SORCS1: variants seen among roughly 807,000 people sequenced by gnomAD.
SORCS1 encodes the protein VPS10 domain-containing receptor SorCS1.
Under a neutral mutation model 146.1 loss-of-function variants are expected in SORCS1, and 60 were observed. The ratio of observed to expected loss-of-function variants is 0.41; its 90% CI spans 0.33 to 0.51. The LOEUF is 0.51. SORCS1 is among the 20% of genes least tolerant of loss of function. The probability of loss-of-function intolerance (pLI) is 0.21; values close to 1 mark genes in which losing one functional copy is unlikely to be tolerated. For missense variants in SORCS1, 1,352 were observed against 1,487.6 expected (o/e 0.91, Z 1.50); for synonymous variants, 637 against 584.0 (o/e 1.09, Z -1.31).
intron 20 of SORCS1, among the ~76,000 whole-genome samples, chr10:106,619,891 G>A (rs1847623763): frequency 6.6e-6 from 1 of 152,208 alleles, no homozygotes; most frequent in Non-Finnish European, 1.5e-5. Context: ...ATAAATAAGA[G>A]TTTTGATTTA....
chr10:107,176,692 A>G, the SORCS1 span, among the ~76,000 whole-genome samples: 1 of 152,186 alleles, frequency 6.6e-6, no homozygotes, highest in African/African-American at 2.4e-5. Context: ...CATTGCAATC[A>G]GAAAGAATGT....
chr10:106,806,505 CTTTTTTTTTTT>C (rs1191296212), intron 3 of SORCS1, among the ~76,000 whole-genome samples: 30 of 70,468 alleles, frequency 4.3e-4, no homozygotes, highest in African/African-American at 1.7e-3. Flanking sequence ...GAGAGGAAGC[CTTTTTTTTTTT>C]TTTTTTTTTT....
chr10:106,963,110 ATTTTTTTTTTTT>A (rs749174613), intron 1 of SORCS1, among the ~76,000 whole-genome samples: 1 of 76,296 alleles, frequency 1.3e-5, no homozygotes, highest in East Asian at 4.4e-4. Flanking sequence ...AATGGCCAGA[ATTTTTTTTTTTT>A]TTTTTTTTTT....
intron 2 of SORCS1, among the ~76,000 whole-genome samples, chr10:106,886,308 T>G (rs183062622): frequency 6.6e-6 from 1 of 152,246 alleles, no homozygotes; most frequent in East Asian, 1.9e-4. Flanking sequence ...CCTCTTTCTC[T>G]GTATTGATTA....
intron 9 of SORCS1, among the ~76,000 whole-genome samples, chr10:106,692,584 A>G (rs1564864493): frequency 1.3e-5 from 2 of 152,226 alleles, no homozygotes; most frequent in Non-Finnish European, 2.9e-5. Flanking sequence ...ACTGGATTTT[A>G]CATTTTAAGT....
At chr10:106,682,173 C>A (rs913374690) in intron 10 of SORCS1, among the ~76,000 whole-genome samples, 10 of 151,958 alleles carry the variant, frequency 6.6e-5, no homozygotes, top group African/African-American at 9.7e-5. Context: ...AACAAACAAA[C>A]AAAACAAAAA....
chr10:106,967,689 T>G (rs965112705), intron 1 of SORCS1, among the ~76,000 whole-genome samples: 1 of 152,090 alleles, frequency 6.6e-6, no homozygotes, highest in Non-Finnish European at 1.5e-5. Context: ...TGTTTTATAG[T>G]TAAAGAAACA....
intron 1 of SORCS1, among the ~76,000 whole-genome samples, chr10:107,134,557 T>G (rs1388114381): frequency 1.3e-5 from 2 of 152,056 alleles, no homozygotes; most frequent in Admixed American, 6.6e-5. Context: ...GAGAATGGCT[T>G]GAACCTGGGA....
In SORCS1 at chr10:106,629,442, C is replaced by A; in HGVS notation, c.2476-54G>T. 3.2e-6 allele frequency: 5 copies of A among 1,583,744 alleles called. No homozygotes were observed. The South Asian group carries it at 4.6e-5, about 14-fold the overall frequency. On this transcript the variant is annotated intron_variant, in intron 18 of 25. Transcript: ENST00000263054. ...TGAGTTAGTATTCGGCTGCTCCTGC[C>A]TAGGGGACTGGGGACTACGGCTTGT...
At chr10:106,996,924 C>T (rs1957027713) in intron 1 of SORCS1, among the ~76,000 whole-genome samples, 1 of 151,958 alleles carries the variant, frequency 6.6e-6, no homozygotes, top group African/African-American at 2.4e-5. Flanking sequence ...TCTAAAATCA[C>T]AAGAGAAACA....
At chr10:107,102,186 C>T (rs1964972699) in intron 1 of SORCS1, among the ~76,000 whole-genome samples, 1 of 152,116 alleles carries the variant, frequency 6.6e-6, no homozygotes, top group Non-Finnish European at 1.5e-5. Flanking sequence ...ATAGTCATTG[C>T]ATTTTAAGGA....
intron 1 of SORCS1, among the ~76,000 whole-genome samples, chr10:107,083,088 G>A: frequency 7.8e-6 from 1 of 128,664 alleles, no homozygotes. Flanking sequence ...CAGCCTGGGT[G>A]ACAGAGTAAG....
intron 23 of SORCS1, chr10:106,600,495 T>C: frequency 1.0e-6 from 1 of 983,888 alleles, no homozygotes; most frequent in Non-Finnish European, 1.2e-6. Context: ...GAAATGAGTA[T>C]GAAACTGTTG....
Position 106,629,379 on chromosome 10 carries a change from G to C in SORCS1, c.2485C>G (p.Gln829Glu). The change falls in exon 19 of 26, where the codon CAG (glutamine) becomes GAG (glutamate). Residue 829 changes from glutamine (Q) to glutamate (E), a missense_variant. By Grantham distance (29) the Gln-to-Glu change is conservative. Transcript: ENST00000263054. ...AAGTCCACTTGGATGAGTGTCCGCT[G>C]AACATCACCCTGAAAAACAACCCAA... ...LMVQLEEGDV[Q>E]RTLIQVDFGD... is the part of the protein sequence containing the mutation. 6.2e-7 allele frequency: 1 copy of C among 1,613,952 alleles called. No homozygotes were observed. Among genetic ancestry groups the C allele is most frequent in the Non-Finnish European group, 8.5e-7 (1 of 1,179,872 alleles).
rs577059914 is a variant in SORCS1 at position 107,055,371 on chromosome 10, A to AC, written c.559-98792_559-98791insG. Reference sequence around the variant, plus strand: ...ATGTAAAGGAATAGATAGTGAGTTTAAGTTATACAGGCAGGACTTAATACA... The same window carrying AC: ...ATGTAAAGGAATAGATAGTGAGTTTACAGTTATACAGGCAGGACTTAATACA... On this transcript the variant is annotated intron_variant, in intron 1 of 25. Coordinates refer to ENST00000263054, the MANE Select transcript of SORCS1 (RefSeq NM_052918.5). Among the ~76,000 whole-genome samples the AC allele has an allele frequency of 7.8e-3, 1,191 of 152,366 alleles. 14 individuals carry two copies. The highest frequency in any genetic ancestry group is 0.027 in the African/African-American group (1,115 of 41,592).
chr10:106,956,588 CA>C lies in SORCS1; in HGVS notation c.559-9del. The stretch of plus-strand genomic sequence containing the variant: ...TGTCAAAATGAGAATCACCTGAAGG[CA>C]AAAGAAGAAATCATGGTTAGTCTCA... On this transcript the variant is annotated splice_polypyrimidine_tract_variant and intron_variant, in intron 1 of 25. Transcript: ENST00000263054. The C allele has an allele frequency of 6.2e-7, 1 of 1,613,454 alleles. No homozygotes were observed. The highest frequency in any genetic ancestry group is 8.5e-7 in the Non-Finnish European group (1 of 1,179,614).
At chr10:106,686,269 T>G (rs1440525195) in intron 10 of SORCS1, among the ~76,000 whole-genome samples, 1 of 152,130 alleles carries the variant, frequency 6.6e-6, no homozygotes, top group Non-Finnish European at 1.5e-5. Context: ...GATATTACAT[T>G]TATATTTTGG....
At position 107,150,425 on chromosome 10, in the gene SORCS1, A is replaced by T. The variant is rs138519862; in HGVS notation, c.558+13544T>A. Among the ~76,000 whole-genome samples the T allele has an allele frequency of 3.0e-4, 45 of 152,346 alleles. No individual in the cohort carries two copies. In the East Asian group the frequency reaches 8.3e-3, roughly 28 times the overall value. On this transcript the variant is annotated intron_variant, in intron 1 of 25. Coordinates refer to ENST00000263054, the MANE Select transcript of SORCS1 (RefSeq NM_052918.5). ...TCCACTCCACACCCATCTGATGAAC[A>T]TATGGCTTCAAAGCCATCACACATG...
chr10:106,775,216 T>C (rs928118247), intron 4 of SORCS1, among the ~76,000 whole-genome samples: 1 of 152,252 alleles, frequency 6.6e-6, no homozygotes. Context: ...GAATAAAATG[T>C]AACAACCCTG....
Sources: gnomAD v4.1 joint callset for allele counts (sites outside exome capture counted in the v4.1 genomes callset) on GRCh38, gnomAD v4.1.1 for gene constraint, MANE v1.5 for transcripts, NCBI Gene and HGNC (gene_info 2026-07-23, HGNC 2026-07-21) for gene names.